CDC27: variants seen among roughly 807,000 people sequenced by gnomAD.
CDC27 encodes the protein cell division cycle 27.
CDC27 carries 27 observed loss-of-function variants against 109.7 expected under a neutral mutation model. That is an observed-to-expected ratio of 0.25 (90% confidence interval 0.18 to 0.34). The LOEUF (loss-of-function observed/expected upper bound fraction) is 0.34, where lower values mean the gene tolerates loss of function less well. Among genes scored for constraint, CDC27 ranks in the 10% least tolerant of loss-of-function variants. The pLI, the probability that CDC27 is intolerant of heterozygous loss-of-function variation, is 1.00. For synonymous variants in CDC27, 266 were observed against 333.9 expected (o/e 0.80, Z 2.22); for missense variants, 579 against 960.2 (o/e 0.60, Z 5.25).
chr17:47,156,283 C>A (rs769286069), intron 7 of CDC27, among the ~76,000 whole-genome samples: 1 of 151,620 alleles, frequency 6.6e-6, no homozygotes, highest in East Asian at 1.9e-4. Flanking sequence ...GATCTACAGG[C>A]GCGTGCCACC....
Position 47,157,403 on chromosome 17 carries a change from A to C in CDC27, c.476-19T>G, listed in dbSNP as rs184521617. The C allele has an allele frequency of 8.2e-6, 13 of 1,594,662 alleles. No individual in the cohort carries two copies. In the African/African-American group the frequency reaches 1.8e-4, roughly 22 times the overall value. On this transcript the variant is annotated intron_variant, in intron 5 of 18. Transcript: ENST00000066544. ...TTTTCACCTGTGAAGACAAAAAAAA[A>C]AAAAGTTTGTCTCTGAGGAAGTGAG...
At chr17:47,178,146 T>C (rs2064085996) in intron 2 of CDC27, among the ~76,000 whole-genome samples, 2 of 152,144 alleles carry the variant, frequency 1.3e-5, no homozygotes, top group Middle Eastern at 3.2e-3. Context: ...ACTAGTGGAC[T>C]GTGATGTCAA....
Position 47,122,479 on chromosome 17 carries a change from T to C in CDC27, c.2357A>G (p.Asp786Gly), listed in dbSNP as rs1193542607. ...TTCTTGGGTTATTGGCTCCTCATCA[T>C]CTGGAAGATAACGCTTATCAATTGC... is the stretch of plus-strand genomic sequence containing the variant. The part of the protein sequence containing the change: ...KEAIDKRYLP[D>G]DEEPITQEEQ... Residue 786 changes from aspartate to glycine, a missense_variant, in exon 18 of 19, where the codon GAT (aspartate) becomes GGT (glycine). Around this residue, in one of 9 missense-constraint regions of CDC27, gnomAD observed 227 missense variants for 363.6 expected, o/e 0.62. Transcript: ENST00000066544. 6.2e-7 allele frequency: 1 copy of C among 1,609,198 alleles called. No homozygotes were observed. The highest frequency in any genetic ancestry group is 8.5e-7 in the Non-Finnish European group (1 of 1,177,346).
chr17:47,159,315 G>A (rs994578906), intron 4 of CDC27: 35 of 661,618 alleles, frequency 5.3e-5, no homozygotes, highest in Non-Finnish European at 7.6e-5. Flanking sequence ...CCAGAGGTCC[G>A]GGGTCAGGTA....
rs945982659 is a variant in CDC27, at chr17:47,138,577, T to C, written c.1704+162A>G. Among the ~76,000 whole-genome samples, 12 of 152,308 alleles carry C rather than the reference T, an allele frequency of 7.9e-5. No individual in the cohort carries two copies. The East Asian group carries it at 2.3e-3, about 29-fold the overall frequency. Reference sequence around the variant, plus strand: ...ATTTGTGAATCTGCACCACACATTCTAGGACTTTCTCTTCCTCTCTGAGTC... The same window carrying C: ...ATTTGTGAATCTGCACCACACATTCCAGGACTTTCTCTTCCTCTCTGAGTC... On this transcript the variant is annotated intron_variant, in intron 13 of 18. Coordinates refer to ENST00000066544, the MANE Select transcript of CDC27 (RefSeq NM_001256.6).
chr17:47,118,752 C>T lies in CDC27; in HGVS notation c.*2183G>A, dbSNP rs1243761604. ...AAACAAAACCAAACAAAAAAAGAAA[C>T]TGCAAAAGCCAGAAAGTGTTACTAC... On this transcript the variant is annotated 3_prime_UTR_variant, in exon 19 of 19. Coordinates refer to ENST00000066544, the MANE Select transcript of CDC27 (RefSeq NM_001256.6). 7 of 152,502 alleles carry T rather than the reference C, an allele frequency of 4.6e-5. No homozygotes were observed. The highest frequency in any genetic ancestry group is 7.4e-5 in the Non-Finnish European group (5 of 68,026). 9.4% of individuals were successfully genotyped at this position (152,502 alleles called of 1,614,324 possible). A position where few individuals can be genotyped will look rare whatever the true frequency, so the allele number is the denominator to read the frequency against.
chr17:47,173,834 T>G (rs996452069), intron 2 of CDC27, among the ~76,000 whole-genome samples: 1 of 152,260 alleles, frequency 6.6e-6, no homozygotes, highest in Non-Finnish European at 1.5e-5. Context: ...GGCTCATGCC[T>G]GTAATCCTAG....
chr17:47,131,011 C>T (rs1221783004), intron 15 of CDC27, among the ~76,000 whole-genome samples: 4 of 152,004 alleles, frequency 2.6e-5, no homozygotes, highest in South Asian at 4.1e-4. Flanking sequence ...AACTCATCTA[C>T]GCAATGATCT....
At chr17:47,136,601 T>C (rs942583636) in intron 14 of CDC27, among the ~76,000 whole-genome samples, 2 of 152,172 alleles carry the variant, frequency 1.3e-5, no homozygotes, top group African/African-American at 4.8e-5. Context: ...GATAACAATA[T>C]GACCTAGGTA....
At chr17:47,160,322 G>A (rs2063462084) in intron 4 of CDC27, among the ~76,000 whole-genome samples, 1 of 151,246 alleles carries the variant, frequency 6.6e-6, no homozygotes, top group Non-Finnish European at 1.5e-5. Context: ...CCACCTTCTG[G>A]ATTCAAGTGA....
intron 16 of CDC27, among the ~76,000 whole-genome samples, chr17:47,127,059 G>A (rs1044154586): frequency 6.6e-6 from 1 of 152,144 alleles, no homozygotes; most frequent in African/African-American, 2.4e-5. Context: ...CTGTCAAAGT[G>A]CTGGGATTAC....
chr17:47,177,009 G>A lies in CDC27; in HGVS notation c.103+4553C>T, dbSNP rs142643102. On this transcript the variant is annotated intron_variant, in intron 2 of 18. Coordinates refer to ENST00000066544, the MANE Select transcript of CDC27 (RefSeq NM_001256.6). ...AATAGAAAAGAAACAGATGCTGAACGTTTTACTCTGGTTCAGTTCTCTCCC... is the reference window on the plus strand; with the variant it reads ...AATAGAAAAGAAACAGATGCTGAACATTTTACTCTGGTTCAGTTCTCTCCC... 1.4e-4 allele frequency among the ~76,000 whole-genome samples: 21 copies of A among 152,192 alleles called. No homozygotes were observed. In the East Asian group the frequency reaches 3.3e-3, roughly 24 times the overall value.
At chr17:47,181,275 A>C (rs1475794520) in intron 2 of CDC27, 3 of 138,562 alleles carry the variant, frequency 2.2e-5, no homozygotes, top group East Asian at 1.7e-4. Flanking sequence ...AAAAAAAAAA[A>C]AAAAAAAAAA....
Position 47,121,428 on chromosome 17 carries a change from G to C in CDC27, c.2393-411C>G, listed in dbSNP as rs143110715. Among the ~76,000 whole-genome samples the C allele has an allele frequency of 1.9e-3, 289 of 152,118 alleles. 1 individual carries two copies. Among genetic ancestry groups the C allele is most frequent in the Middle Eastern group, 6.8e-3 (2 of 294 alleles). ...ACCTTCAGTTTCAAAAGGTTTATGG[G>C]GTCAGTCTATCAGTCAATCAATCAA... On this transcript the variant is annotated intron_variant, in intron 18 of 18. Transcript: ENST00000066544.
chr17:47,186,294 A>G (rs563718888), intron 1 of CDC27, among the ~76,000 whole-genome samples: 1 of 152,322 alleles, frequency 6.6e-6, no homozygotes, highest in South Asian at 2.1e-4. Flanking sequence ...TCCATGTTAG[A>G]TGCTGTCCCT....
intron 4 of CDC27, among the ~76,000 whole-genome samples, chr17:47,167,760 G>A (rs538741442): frequency 6.6e-6 from 1 of 152,118 alleles, no homozygotes; most frequent in South Asian, 2.1e-4. Flanking sequence ...CTGAATGTCC[G>A]CTAATTCAAT....
intron 17 of CDC27, among the ~76,000 whole-genome samples, 191 bp downstream of exon 17, chr17:47,123,695 A>G (rs1402643762): frequency 6.6e-6 from 1 of 152,154 alleles, no homozygotes; most frequent in African/African-American, 2.4e-5. Context: ...TACAGGCGTG[A>G]GGCACCATGC....
chr17:47,134,346 C>T (rs2062500836), intron 14 of CDC27, among the ~76,000 whole-genome samples: 1 of 151,376 alleles, frequency 6.6e-6, no homozygotes, highest in South Asian at 2.1e-4. Context: ...GCTCTGTCGC[C>T]CGGGCTGGAG....
chr17:47,133,144 A>G (rs1184498010), intron 14 of CDC27, among the ~76,000 whole-genome samples: 1 of 128,150 alleles, frequency 7.8e-6, no homozygotes, highest in African/African-American at 3.0e-5. Context: ...TATAATATAT[A>G]TGTATTTTTT....
Sources: gnomAD v4.1 joint callset for allele counts (sites outside exome capture counted in the v4.1 genomes callset) on GRCh38, gnomAD v4.1.1 for gene constraint, gnomAD v4.1.1 regional missense constraint, MANE v1.5 for transcripts, NCBI Gene and HGNC (gene_info 2026-07-23, HGNC 2026-07-21) for gene names.